Variants in LAPTM4B observed in about 807,000 individuals in gnomAD.
LAPTM4B encodes the protein lysosomal-associated transmembrane protein 4B.
A neutral mutation model predicts 28.5 loss-of-function variants in LAPTM4B; 26 were observed. That is an observed-to-expected ratio of 0.91 (90% CI 0.67 to 1.27). LAPTM4B has a LOEUF of 1.27. Among genes scored for constraint, LAPTM4B ranks in the 50% most tolerant of loss-of-function variants. LAPTM4B has a pLI of 0.00. For synonymous variants in LAPTM4B, 109 were observed against 106.4 expected, an observed-to-expected ratio of 1.02 and a Z score of -0.15; for missense variants, 288 against 285.8, an observed-to-expected ratio of 1.01 and a Z score of -0.06.
At chr8:97,817,688 G>A (rs2129795902) in intron 4 of LAPTM4B, among the ~76,000 whole-genome samples, 1 of 151,266 alleles carries the variant, frequency 6.6e-6, no homozygotes, top group East Asian at 1.9e-4. Flanking sequence ...AGCCTCAGAG[G>A]ATCCACCCTC....
intron 4 of LAPTM4B, among the ~76,000 whole-genome samples, chr8:97,818,874 A>G (rs1400741756): frequency 6.6e-6 from 1 of 151,896 alleles, no homozygotes; most frequent in Non-Finnish European, 1.5e-5. Flanking sequence ...AAAAAAGAAA[A>G]AAAAAAAAAA....
At chr8:97,810,063 G>A (rs2129780117) in intron 2 of LAPTM4B, among the ~76,000 whole-genome samples, 1 of 152,212 alleles carries the variant, frequency 6.6e-6, no homozygotes, top group African/African-American at 2.4e-5. Context: ...CCAAGTAGCT[G>A]TAACTAGAGG....
intron 1 of LAPTM4B, among the ~76,000 whole-genome samples, chr8:97,804,652 A>C (rs896802496): frequency 6.6e-6 from 1 of 152,206 alleles, no homozygotes; most frequent in South Asian, 2.1e-4. Context: ...AATGTTTTTC[A>C]TTAATTATTA....
In LAPTM4B at chr8:97,819,163, T is replaced by A. The variant is rs1435948571; in HGVS notation, c.432T>A (p.Asp144Glu). The A allele has an allele frequency of 9.9e-6, 16 of 1,608,094 alleles. No individual in the cohort carries two copies. The highest frequency in any genetic ancestry group is 1.4e-5 in the Non-Finnish European group (16 of 1,176,772). Residue 144 changes from aspartate (D) to glutamate (E), a missense_variant, in exon 5 of 7, where the codon GAT (aspartate) becomes GAA (glutamate). By Grantham distance (45) the Asp-to-Glu change is conservative. Coordinates refer to ENST00000521545, the MANE Select transcript of LAPTM4B (RefSeq NM_018407.6). ...RQLPPNFPYRDDVMSVNPTCL... is the reference protein window; with the variant it reads ...RQLPPNFPYREDVMSVNPTCL... ...AGCCTCCTAATTTTCCCTACAGAGA[T>A]GATGTCATGTCAGTGAATCCTACCT...
At chr8:97,844,910 A>G (rs1490482328) in intron 6 of LAPTM4B, among the ~76,000 whole-genome samples, 1 of 152,118 alleles carries the variant, frequency 6.6e-6, no homozygotes, top group African/African-American at 2.4e-5. Context: ...TTTATTTTTA[A>G]AATGTTGCTT....
rs762880103 is a variant in LAPTM4B, at chr8:97,851,507, T to A, written c.*33T>A. On this transcript the variant is annotated 3_prime_UTR_variant, in exon 7 of 7. Coordinates refer to ENST00000521545, the MANE Select transcript of LAPTM4B (RefSeq NM_018407.6). ...AGTGGGCGGAGCTGAGGGCAGCAGCTTGACTTTGCAGACATCTGAGCAATA... is the reference window on the plus strand; with the variant it reads ...AGTGGGCGGAGCTGAGGGCAGCAGCATGACTTTGCAGACATCTGAGCAATA... 4.6e-6 allele frequency: 7 copies of A among 1,531,502 alleles called. No individual in the cohort carries two copies. Among genetic ancestry groups the A allele is most frequent in the South Asian group, 1.1e-5 (1 of 89,226 alleles). The allele number at this position is 1,531,502 out of a possible 1,614,324, so 94.9% of individuals were successfully genotyped here. A position where few individuals can be genotyped will look rare whatever the true frequency, so the allele number is the denominator to read the frequency against.
chr8:97,823,388 T>TTTG (rs1817041423), intron 5 of LAPTM4B, among the ~76,000 whole-genome samples: 1 of 117,266 alleles, frequency 8.5e-6, no homozygotes, highest in Non-Finnish European at 1.9e-5. Flanking sequence ...TGTTGTTGTT[T>TTTG]TTTTGAGACG....
At chr8:97,834,144 G>GGAAAAAAAAAAAAAAAAAAAA (rs1554593011) in intron 6 of LAPTM4B, among the ~76,000 whole-genome samples, 1 of 75,342 alleles carries the variant, frequency 1.3e-5, no homozygotes, top group Non-Finnish European at 3.0e-5. Flanking sequence ...TGTCTCTACA[G>GGAAAAAAAAAAAAAAAAAAAA]AAAAAAAAAA....
intron 1 of LAPTM4B, among the ~76,000 whole-genome samples, chr8:97,801,286 A>G (rs1278785220): frequency 6.6e-6 from 1 of 151,032 alleles, no homozygotes; most frequent in Admixed American, 6.6e-5. Context: ...GGTTCAAGCG[A>G]TTCTCCTGCC....
In LAPTM4B at chr8:97,834,144, G is replaced by GAAAAAAAAAA. The variant is rs554058157; in HGVS notation, c.603+8996_603+9005dup. ...ACATAGTGAGACCCCTGTCTCTACA[G>GAAAAAAAAAA]AAAAAAAAAAAAAATCCAGGTGGCA... On this transcript the variant is annotated intron_variant, in intron 6 of 6. Coordinates refer to ENST00000521545, the MANE Select transcript of LAPTM4B (RefSeq NM_018407.6). Among the ~76,000 whole-genome samples, 126 of 75,304 alleles carry GAAAAAAAAAA rather than the reference G, an allele frequency of 1.7e-3. 17 individuals carry two copies. Among genetic ancestry groups the GAAAAAAAAAA allele is most frequent in the East Asian group, 4.9e-3 (11 of 2,248 alleles). The allele number at this position is 75,304 out of a possible 152,430, so 49.4% of individuals were successfully genotyped here.
chr8:97,801,603 C>T (rs1004649752), intron 1 of LAPTM4B, among the ~76,000 whole-genome samples: 3 of 152,094 alleles, frequency 2.0e-5, no homozygotes, highest in Non-Finnish European at 4.4e-5. Flanking sequence ...CACCTGTAAT[C>T]CCAGCACTTT....
intron 6 of LAPTM4B, among the ~76,000 whole-genome samples, chr8:97,826,599 C>G (rs923313236): frequency 6.6e-6 from 1 of 151,866 alleles, no homozygotes. Flanking sequence ...GCCTCCACCC[C>G]CTGGGTTCAA....
chr8:97,783,408 C>G (rs908873133), intron 1 of LAPTM4B, among the ~76,000 whole-genome samples: 2 of 152,150 alleles, frequency 1.3e-5, no homozygotes, highest in Non-Finnish European at 2.9e-5. Flanking sequence ...CAGAATATCT[C>G]ACCCAAAATA....
At chr8:97,776,643 C>G (rs959166051) in intron 1 of LAPTM4B, among the ~76,000 whole-genome samples, 2 of 152,168 alleles carry the variant, frequency 1.3e-5, no homozygotes, top group African/African-American at 4.8e-5. Context: ...ACGTTCGGAT[C>G]CCGAGTTGAA....
At chr8:97,813,786 T>A (rs534192121) in intron 2 of LAPTM4B, among the ~76,000 whole-genome samples, 1 of 152,340 alleles carries the variant, frequency 6.6e-6, no homozygotes, top group African/African-American at 2.4e-5. Context: ...GTATGCAGAT[T>A]ATGTTTTCCC....
chr8:97,819,408 AT>A (rs1322446651), intron 5 of LAPTM4B, among the ~76,000 whole-genome samples, 170 bp downstream of exon 5: 2 of 152,186 alleles, frequency 1.3e-5, no homozygotes, highest in Admixed American at 1.3e-4. Flanking sequence ...GTAAACACTA[AT>A]CAAAATTCCA....
At chr8:97,802,338 C>T (rs1413405186) in intron 1 of LAPTM4B, among the ~76,000 whole-genome samples, 1 of 152,084 alleles carries the variant, frequency 6.6e-6, no homozygotes, top group African/African-American at 2.4e-5. Context: ...TGGGCAATTC[C>T]CGGAAATGAG....
chr8:97,778,188 A>G (rs72671587), intron 1 of LAPTM4B, among the ~76,000 whole-genome samples: 8,127 of 152,312 alleles, frequency 0.053, 242 homozygotes, highest in Non-Finnish European at 0.064. Context: ...GCTTTCTAGC[A>G]GATGTGAATA....
chr8:97,824,835 C>T (rs967253414), intron 5 of LAPTM4B, among the ~76,000 whole-genome samples: 1 of 152,020 alleles, frequency 6.6e-6, no homozygotes, highest in Non-Finnish European at 1.5e-5. Context: ...CCCCCATACC[C>T]CCATTGGTGT....
Sources: gnomAD v4.1 joint callset for allele counts (sites outside exome capture counted in the v4.1 genomes callset) on GRCh38, gnomAD v4.1.1 for gene constraint, MANE v1.5 for transcripts, NCBI Gene and HGNC (gene_info 2026-07-23, HGNC 2026-07-21) for gene names.